SPIDR: variants seen among roughly 807,000 people sequenced by gnomAD.
The protein encoded by SPIDR is scaffold protein involved in DNA repair, also known as DNA repair-scaffolding protein.
SPIDR carries 93 observed loss-of-function variants against 104.6 expected under a neutral mutation model. The ratio of observed to expected loss-of-function variants is 0.89; its 90% CI spans 0.75 to 1.06. The LOEUF is 1.06. Among genes scored for constraint, SPIDR ranks in the 50% least tolerant of loss-of-function variants. The pLI is 0.00. For synonymous variants in SPIDR, 431 were observed against 416.9 expected, an observed-to-expected ratio of 1.03 and a Z score of -0.41; for missense variants, 1,154 against 1,111.2, an observed-to-expected ratio of 1.04 and a Z score of -0.55.
At chr8:47,443,485 C>A (rs1388107341) in intron 8 of SPIDR, among the ~76,000 whole-genome samples, 1 of 149,016 alleles carries the variant, frequency 6.7e-6, no homozygotes, top group Non-Finnish European at 1.5e-5. Context: ...GTGAAAGAAT[C>A]GCTTGAGCCC....
At chr8:47,692,487 C>CTTTTTTTTTTTTT (rs1171012398) in intron 11 of SPIDR, among the ~76,000 whole-genome samples, 1 of 119,282 alleles carries the variant, frequency 8.4e-6, no homozygotes, top group African/African-American at 3.2e-5. Flanking sequence ...TCAGAATTTC[C>CTTTTTTTTTTTTT]TTTTTTTTTT....
intron 19 of SPIDR, among the ~76,000 whole-genome samples, chr8:47,734,757 C>G (rs758991657): frequency 6.6e-6 from 1 of 152,204 alleles, no homozygotes; most frequent in African/African-American, 2.4e-5. Flanking sequence ...GTACCTGTCT[C>G]ATCTGGAGAC....
intron 5 of SPIDR, among the ~76,000 whole-genome samples, chr8:47,386,248 G>A (rs1375764398): frequency 6.6e-6 from 1 of 151,978 alleles, no homozygotes; most frequent in Non-Finnish European, 1.5e-5. Context: ...AATAACTATA[G>A]TTCTACAGTA....
intron 16 of SPIDR, among the ~76,000 whole-genome samples, chr8:47,725,352 T>C (rs2084061867): frequency 6.6e-6 from 1 of 152,186 alleles, no homozygotes; most frequent in South Asian, 2.1e-4. Flanking sequence ...ATGTAAACTA[T>C]CTTTTTCTTT....
intron 11 of SPIDR, 119 bp downstream of exon 11, chr8:47,674,060 C>A: frequency 7.6e-7 from 1 of 1,312,090 alleles, no homozygotes. Flanking sequence ...CTAGAGTTTG[C>A]CCATAAAACA....
At chr8:47,390,748 A>G (rs2060488632) in intron 5 of SPIDR, among the ~76,000 whole-genome samples, 1 of 152,070 alleles carries the variant, frequency 6.6e-6, no homozygotes, top group African/African-American at 2.4e-5. Context: ...TTCTCAAAGA[A>G]TTTTTCCATT....
intron 10 of SPIDR, among the ~76,000 whole-genome samples, chr8:47,629,375 C>T (rs1247506943): frequency 6.6e-6 from 1 of 152,168 alleles, no homozygotes; most frequent in East Asian, 1.9e-4. Flanking sequence ...ATACCACAGT[C>T]TGAAAGCATC....
chr8:47,454,511 G>A (rs1585985275), intron 8 of SPIDR, among the ~76,000 whole-genome samples: 1 of 152,126 alleles, frequency 6.6e-6, no homozygotes, highest in Admixed American at 6.5e-5. Context: ...GGAAGGGATA[G>A]GATTAGGAGA....
intron 10 of SPIDR, among the ~76,000 whole-genome samples, chr8:47,639,448 G>A (rs1402055141): frequency 2.0e-5 from 3 of 152,128 alleles, no homozygotes; most frequent in Non-Finnish European, 4.4e-5. Context: ...GGACAAAAGT[G>A]GACACAAAAT....
chr8:47,385,499 G>A (rs2059780705), intron 5 of SPIDR, among the ~76,000 whole-genome samples: 2 of 152,174 alleles, frequency 1.3e-5, no homozygotes, highest in South Asian at 4.1e-4. Flanking sequence ...CCCTGTAAGA[G>A]AATTGATAGG....
At chr8:47,630,677 G>C (rs762938511) in intron 10 of SPIDR, among the ~76,000 whole-genome samples, 2 of 152,170 alleles carry the variant, frequency 1.3e-5, no homozygotes, top group Non-Finnish European at 2.9e-5. Context: ...CCTGTAGCTT[G>C]TCTCAGTTAC....
intron 7 of SPIDR, among the ~76,000 whole-genome samples, chr8:47,429,305 TCA>T: frequency 6.6e-6 from 1 of 152,212 alleles, no homozygotes; most frequent in Non-Finnish European, 1.5e-5. Context: ...ACATTCTTTG[TCA>T]CACACTCAGC....
At chr8:47,413,467 T>C (rs2063806228) in intron 7 of SPIDR, among the ~76,000 whole-genome samples, 1 of 152,236 alleles carries the variant, frequency 6.6e-6, no homozygotes, top group Admixed American at 6.5e-5. Flanking sequence ...ATCATTTTAA[T>C]CCTCTGCCAG....
intron 8 of SPIDR, among the ~76,000 whole-genome samples, chr8:47,587,899 T>A (rs1338043229): frequency 3.3e-5 from 5 of 150,582 alleles, no homozygotes; most frequent in Admixed American, 6.6e-5. Context: ...CACCATATAA[T>A]ATTGGTTATT....
chr8:47,452,128 T>C (rs1285268546), intron 8 of SPIDR, among the ~76,000 whole-genome samples: 1 of 152,076 alleles, frequency 6.6e-6, no homozygotes, highest in African/African-American at 2.4e-5. Context: ...GTAGTGAAGT[T>C]GATGAAACCC....
rs111624618 is a variant in SPIDR, at chr8:47,512,063, C to G, written c.1097+71521C>G. On this transcript the variant is annotated intron_variant, in intron 8 of 19. Transcript: ENST00000297423. ...ATCTGCAAGTCCCAGGTAGCCGACT[C>G]GAGGAAGAAGCAGGCCCGGTCCTGC... 6.7e-5 allele frequency: 43 copies of G among 645,918 alleles called. No homozygotes were observed. In the Admixed American group the frequency reaches 7.2e-4, roughly 11 times the overall value. 40.0% of individuals were successfully genotyped at this position (645,918 alleles called of 1,614,324 possible).
chr8:47,338,118 T>C (rs1554611032), intron 5 of SPIDR, among the ~76,000 whole-genome samples: 1 of 152,224 alleles, frequency 6.6e-6, no homozygotes, highest in African/African-American at 2.4e-5. Flanking sequence ...TCTGTACTCT[T>C]ATCCCCAGCC....
intron 7 of SPIDR, among the ~76,000 whole-genome samples, chr8:47,416,419 A>G (rs1554675410): frequency 1.3e-5 from 2 of 152,116 alleles, no homozygotes; most frequent in Non-Finnish European, 2.9e-5. Flanking sequence ...TTGTTGAACT[A>G]TTTGTTGATG....
chr8:47,275,372 A>G (rs2036207005), intron 1 of SPIDR, among the ~76,000 whole-genome samples: 1 of 152,208 alleles, frequency 6.6e-6, no homozygotes, highest in Admixed American at 6.5e-5. Context: ...CCGTTTTTAT[A>G]CAACTGCTTA....
Sources: gnomAD v4.1 joint callset for allele counts (sites outside exome capture counted in the v4.1 genomes callset) on GRCh38, gnomAD v4.1.1 for gene constraint, MANE v1.5 for transcripts, NCBI Gene and HGNC (gene_info 2026-07-23, HGNC 2026-07-21) for gene names.